HECA: variants seen among roughly 807,000 people sequenced by gnomAD.
The protein encoded by HECA is headcase protein homolog.
Under a neutral mutation model 37.6 loss-of-function variants are expected in HECA, and 13 were observed. The observed-to-expected ratio is 0.35, with a 90% confidence interval of 0.23 to 0.55. The LOEUF (loss-of-function observed/expected upper bound fraction) is 0.55, where lower values mean the gene tolerates loss of function less well. Among genes scored for constraint, HECA ranks in the 20% least tolerant of loss-of-function variants. The pLI, the probability that HECA is intolerant of heterozygous loss-of-function variation, is 0.90. For missense variants in HECA, 527 were observed against 701.9 expected (o/e 0.75, Z 2.82); for synonymous variants, 307 against 291.5 (o/e 1.05, Z -0.54).
At chr6:139,161,183 C>T (rs1024425875) in intron 1 of HECA, among the ~76,000 whole-genome samples, 3 of 152,084 alleles carry the variant, frequency 2.0e-5, no homozygotes, top group Non-Finnish European at 1.5e-5. Context: ...TGACTATTCC[C>T]GAGGTCCACC....
chr6:139,154,585 C>T (rs965017728), intron 1 of HECA, among the ~76,000 whole-genome samples: 3 of 152,208 alleles, frequency 2.0e-5, no homozygotes, highest in Non-Finnish European at 4.4e-5. Context: ...GTTAATCATG[C>T]AGTCTTATGC....
chr6:139,135,216 G>A lies in HECA; in HGVS notation c.-181G>A. The stretch of plus-strand genomic sequence containing the variant: ...CGCGTGCCGGCTCCAGGAAGCCGGA[G>A]AGGGCGCGGCGGCCAGGATGGCGCG... On this transcript the variant is annotated 5_prime_UTR_variant, in exon 1 of 4. Coordinates refer to ENST00000367658, the MANE Select transcript of HECA (RefSeq NM_016217.3). The A allele has an allele frequency of 2.6e-6, 1 of 389,924 alleles. No individual in the cohort carries two copies. Among genetic ancestry groups the A allele is most frequent in the Non-Finnish European group, 3.7e-6 (1 of 267,534 alleles). The allele number at this position is 389,924 out of a possible 1,614,324, so 24.2% of individuals were successfully genotyped here.
In HECA at chr6:139,167,008, CAG is replaced by C; in HGVS notation, c.997_998del (p.Arg333GlyfsTer27). On this transcript the variant is annotated frameshift_variant, in exon 2 of 4. Transcript: ENST00000367658. LOFTEE classifies it high-confidence loss of function. ...ACAGCCCTGCGGGGTTGGCAGTTCA[CAG>C]GGGGGGACACTTCGACACCCCCGTG... ...DYSPAGLAVH[R>X]GGHFDTPVQF... The C allele has an allele frequency of 1.2e-6, 2 of 1,614,188 alleles. No homozygotes were observed. Among genetic ancestry groups the C allele is most frequent in the Non-Finnish European group, 1.7e-6 (2 of 1,180,038 alleles).
At chr6:139,150,343 T>G (rs1044886413) in intron 1 of HECA, among the ~76,000 whole-genome samples, 3 of 152,138 alleles carry the variant, frequency 2.0e-5, no homozygotes, top group Non-Finnish European at 2.9e-5. Context: ...AAACAATCTG[T>G]TAGCTTCATT....
chr6:139,150,723 A>T (rs570668443), intron 1 of HECA, among the ~76,000 whole-genome samples: 17 of 152,194 alleles, frequency 1.1e-4, no homozygotes, highest in African/African-American at 4.1e-4. Flanking sequence ...GTTTGAAATG[A>T]ATAGTTTTGA....
chr6:139,135,527 TGGCGGCGGCGGCCGGTTGCGGGGC>T lies in HECA; in HGVS notation c.143_166del (p.Ala48_Ala55del). The T allele has an allele frequency of 2.0e-6, 2 of 988,474 alleles. No individual in the cohort carries two copies. Among genetic ancestry groups the T allele is most frequent in the Non-Finnish European group, 1.2e-6 (1 of 834,438 alleles). The allele number at this position is 988,474 out of a possible 1,614,324, so 61.2% of individuals were successfully genotyped here. On this transcript the variant is annotated inframe_deletion, in exon 1 of 4. Transcript: ENST00000367658. ...GCGGGAGCGGCGGCCGGGGGGGCCC[TGGCGGCGGCGGCCGGTTGCGGGGC>T]GGCGGCGGCGGGCGCGCCGGGCGCC... is the stretch of plus-strand genomic sequence containing the variant.
intron 1 of HECA, among the ~76,000 whole-genome samples, chr6:139,160,074 A>T (rs1363240504): frequency 6.6e-6 from 1 of 152,192 alleles, no homozygotes; most frequent in African/African-American, 2.4e-5. Context: ...GGGAGACAGG[A>T]TAGGCTTGGC....
intron 1 of HECA, 25 bp downstream of exon 1, chr6:139,135,692 C>A: frequency 1.0e-6 from 1 of 971,158 alleles, no homozygotes; most frequent in Non-Finnish European, 1.2e-6. Context: ...GCGGGGCGAG[C>A]GCCAACTTCC....
chr6:139,175,113 A>G (rs1048971848), intron 3 of HECA, among the ~76,000 whole-genome samples: 11 of 152,212 alleles, frequency 7.2e-5, no homozygotes, highest in African/African-American at 2.4e-4. Context: ...GTCTCATGCT[A>G]TGAGGACATC....
chr6:139,150,475 A>T (rs1259017757), intron 1 of HECA, among the ~76,000 whole-genome samples: 1 of 26,578 alleles, frequency 3.8e-5, no homozygotes, highest in Non-Finnish European at 1.1e-4. Flanking sequence ...GAGTGGGGCT[A>T]AAAAAAAAAA....
At chr6:139,165,373 A>G (rs1283753438) in intron 1 of HECA, among the ~76,000 whole-genome samples, 2 of 152,202 alleles carry the variant, frequency 1.3e-5, no homozygotes, top group South Asian at 2.1e-4. Context: ...AGAATGGTAC[A>G]TATGTTACAA....
intron 1 of HECA, among the ~76,000 whole-genome samples, chr6:139,138,125 TC>T (rs1324017898): frequency 6.6e-6 from 1 of 152,174 alleles, no homozygotes; most frequent in Admixed American, 6.5e-5. Context: ...TTTTTTCTTT[TC>T]TTTTCTTTCT....
intron 3 of HECA, 154 bp downstream of exon 3, chr6:139,174,693 A>G: frequency 2.7e-6 from 3 of 1,109,818 alleles, no homozygotes; most frequent in South Asian, 1.8e-5. Context: ...GTGGAATACT[A>G]TTCAGTCATT....
intron 1 of HECA, among the ~76,000 whole-genome samples, chr6:139,141,302 A>G (rs764491391): frequency 5.3e-5 from 8 of 152,184 alleles, no homozygotes; most frequent in African/African-American, 9.7e-5. Context: ...TTAAAAGTAC[A>G]TATATAGTTT....
chr6:139,164,445 C>A (rs538306790), intron 1 of HECA, among the ~76,000 whole-genome samples: 1 of 152,096 alleles, frequency 6.6e-6, no homozygotes, highest in Non-Finnish European at 1.5e-5. Context: ...TGTTTGCTTC[C>A]TGTAGTGTGC....
intron 1 of HECA, among the ~76,000 whole-genome samples, chr6:139,160,474 C>T (rs1288199064): frequency 6.6e-6 from 1 of 152,182 alleles, no homozygotes; most frequent in Non-Finnish European, 1.5e-5. Context: ...AGGTTTCACT[C>T]ATTGCCGAGG....
chr6:139,173,392 A>G (rs1775003699), intron 2 of HECA, among the ~76,000 whole-genome samples: 1 of 152,216 alleles, frequency 6.6e-6, no homozygotes, highest in South Asian at 2.1e-4. Flanking sequence ...TCATGCAAGT[A>G]AATGCAAACG....
chr6:139,142,800 TAGCTG>T (rs1774531443), intron 1 of HECA, among the ~76,000 whole-genome samples: 1 of 151,978 alleles, frequency 6.6e-6, no homozygotes, highest in African/African-American at 2.4e-5. Flanking sequence ...ATACAAAAAT[TAGCTG>T]GGCATGGTGG....
intron 1 of HECA, among the ~76,000 whole-genome samples, chr6:139,156,454 C>T (rs185446778): frequency 6.6e-5 from 10 of 152,308 alleles, no homozygotes; most frequent in Admixed American, 5.9e-4. Flanking sequence ...AAGTGACCTT[C>T]CTGCCTTGGC....
Sources: allele counts gnomAD v4.1 joint callset (sites outside exome capture counted in the v4.1 genomes callset), GRCh38; gene constraint gnomAD v4.1.1; transcripts MANE v1.5; gene names NCBI Gene and HGNC (gene_info 2026-07-23, HGNC 2026-07-21).